ITCH: variants seen among roughly 807,000 people sequenced by gnomAD.
ITCH encodes E3 ubiquitin-protein ligase Itchy homolog.
Under a neutral mutation model 126.8 loss-of-function variants are expected in ITCH, and 28 were observed. The ratio of observed to expected loss-of-function variants is 0.22; its 90% confidence interval spans 0.16 to 0.30. The LOEUF is 0.30. Among genes scored for constraint, ITCH ranks in the 10% least tolerant of loss-of-function variants. The pLI, the probability that ITCH is intolerant of heterozygous loss-of-function variation, is 1.00. For synonymous variants in ITCH, 342 were observed against 340.0 expected, an observed-to-expected ratio of 1.01 and a Z score of -0.06; for missense variants, 631 against 1,032.4, an observed-to-expected ratio of 0.61 and a Z score of 5.33.
rs1601729817 is a variant in ITCH at position 34,369,473 on chromosome 20, A to G, written c.-22+3A>G. 2.5e-6 allele frequency: 1 copy of G among 398,868 alleles called. No individual in the cohort carries two copies. The highest frequency in any genetic ancestry group is 2.1e-5 in the African/African-American group (1 of 48,626). 24.7% of individuals were successfully genotyped at this position (398,868 alleles called of 1,614,324 possible). A position where few individuals can be genotyped will look rare whatever the true frequency, so the allele number is the denominator to read the frequency against. ...GACTCAAACTGTGAGAACTTCAGGT[A>G]TGGTGTCATCCTGTGAGAGAAATTG... On this transcript the variant is annotated splice_donor_region_variant and intron_variant, in intron 2 of 24. Coordinates refer to ENST00000374864, the MANE Select transcript of ITCH (RefSeq NM_031483.7).
At chr20:34,485,666 C>T (rs181466832) in intron 20 of ITCH, among the ~76,000 whole-genome samples, 8 of 152,152 alleles carry the variant, frequency 5.3e-5, no homozygotes, top group African/African-American at 1.9e-4. Flanking sequence ...CCTCTTCTTA[C>T]CTTTTCTTAC....
At chr20:34,466,253 C>T in intron 14 of ITCH, 1 of 394,220 alleles carries the variant, frequency 2.5e-6, no homozygotes, top group Non-Finnish European at 5.1e-6. Context: ...TTTTTGCATT[C>T]CAGGAATAAA....
At chr20:34,496,148 C>T (rs1989868517) in intron 23 of ITCH, among the ~76,000 whole-genome samples, 1 of 151,986 alleles carries the variant, frequency 6.6e-6, no homozygotes, top group African/African-American at 2.4e-5. Flanking sequence ...TCCTTGCCAG[C>T]ATTTGTTATT....
intron 20 of ITCH, among the ~76,000 whole-genome samples, chr20:34,485,418 GC>G (rs2146490792): frequency 6.6e-6 from 1 of 152,216 alleles, no homozygotes; most frequent in South Asian, 2.1e-4. Context: ...TCACGTTCTT[GC>G]CAATTCAGCA....
chr20:34,420,445 G>A (rs755026153), intron 6 of ITCH, among the ~76,000 whole-genome samples: 5 of 152,174 alleles, frequency 3.3e-5, no homozygotes, highest in Admixed American at 6.5e-5. Flanking sequence ...GTTCTACTGT[G>A]TATATTTGTG....
chr20:34,480,018 C>T (rs1303479098), intron 18 of ITCH, among the ~76,000 whole-genome samples: 1 of 152,142 alleles, frequency 6.6e-6, no homozygotes. Context: ...CCCGCCTCAG[C>T]CTCCCAAGTA....
intron 24 of ITCH, among the ~76,000 whole-genome samples, chr20:34,507,276 T>G (rs1378836713): frequency 4.6e-5 from 4 of 86,192 alleles, no homozygotes; most frequent in East Asian, 2.9e-4. Context: ...TTTTTTTTTT[T>G]TTTTTTTTTT....
At chr20:34,482,135 C>T (rs1568991581) in intron 20 of ITCH, among the ~76,000 whole-genome samples, 1 of 152,234 alleles carries the variant, frequency 6.6e-6, no homozygotes. Context: ...CTGATTCTCT[C>T]TTACAACACA....
intron 14 of ITCH, among the ~76,000 whole-genome samples, chr20:34,468,034 CTTTTT>C (rs35748150): frequency 4.9e-5 from 6 of 121,542 alleles, no homozygotes; most frequent in African/African-American, 1.8e-4. Context: ...ACCTTGGAAA[CTTTTT>C]TTTTTTTTTT....
chr20:34,455,300 A>G lies in ITCH; in HGVS notation c.1211-2090A>G, dbSNP rs78367983. ...CAGTTCATTCTATGATCTTTAATAC[A>G]TCAGTTATTCATTTTGAGACATGTT... On this transcript the variant is annotated intron_variant, in intron 12 of 24. Coordinates refer to ENST00000374864, the MANE Select transcript of ITCH (RefSeq NM_031483.7). Among the ~76,000 whole-genome samples, 669 of 152,304 alleles carry G rather than the reference A, an allele frequency of 4.4e-3. 1 individual carries two copies. Among genetic ancestry groups the G allele is most frequent in the Non-Finnish European group, 8.2e-3 (555 of 68,028 alleles).
intron 17 of ITCH, 21 bp from the exon 18 acceptor site, chr20:34,479,608 GT>G (rs1988545329): frequency 3.7e-6 from 6 of 1,609,434 alleles, no homozygotes; most frequent in Non-Finnish European, 5.1e-6. Flanking sequence ...ATTTTTCATC[GT>G]AAATTTTCTT....
At chr20:34,392,965 TG>T (rs1568883215) in intron 2 of ITCH, among the ~76,000 whole-genome samples, 1 of 152,274 alleles carries the variant, frequency 6.6e-6, no homozygotes, top group East Asian at 1.9e-4. Flanking sequence ...GCTTGGGACA[TG>T]TTATATAGAT....
chr20:34,383,036 C>G (rs966096189), intron 2 of ITCH, among the ~76,000 whole-genome samples: 2 of 151,936 alleles, frequency 1.3e-5, no homozygotes, highest in African/African-American at 4.8e-5. Context: ...GCCACCGCGC[C>G]CAGTCCTTTT....
In ITCH at chr20:34,489,362, A is replaced by G. The variant is rs766352760; in HGVS notation, c.2190A>G (p.Gln730=). The change falls in exon 21 of 25, where the codon CAA becomes CAG. Residue 730 remains glutamine, a synonymous_variant. Transcript: ENST00000374864. The part of the protein sequence containing the change: ...FNEILPQQYL[Q]YFDAKELEVL... ...AAATTCTTCCCCAGCAATATTTGCA[A>G]TACTTTGATGCAAAGGAATTAGAGG... is the stretch of plus-strand genomic sequence containing the variant. The G allele has an allele frequency of 1.1e-5, 18 of 1,613,286 alleles. No homozygotes were observed. The highest frequency in any genetic ancestry group is 1.4e-5 in the Non-Finnish European group (17 of 1,179,450).
chr20:34,419,285 A>T (rs1384456148), intron 6 of ITCH, among the ~76,000 whole-genome samples: 2 of 152,196 alleles, frequency 1.3e-5, no homozygotes, highest in Non-Finnish European at 2.9e-5. Flanking sequence ...CACACAGCTT[A>T]AGAATTAGAG....
chr20:34,438,524 A>C lies in ITCH; in HGVS notation c.572A>C (p.Asn191Thr). The change falls in exon 8 of 25, where the codon AAT (asparagine) becomes ACT (threonine). Residue 191 changes from asparagine to threonine, a missense_variant. Physicochemically the swap from Asn to Thr is moderately conservative, Grantham distance 65. This residue lies in a region of ITCH where 220 missense variants were observed against 265.7 expected (regional missense o/e 0.83). Transcript: ENST00000374864. The part of the protein sequence containing the change: ...DDPEDAGAGE[N>T]RRVSGNNSPS... The stretch of plus-strand genomic sequence containing the variant: ...CCTGAAGATGCAGGAGCTGGTGAAA[A>C]TAGGAGAGTCAGTGGGAATAATTCT... 6.2e-7 allele frequency: 1 copy of C among 1,614,068 alleles called. No individual in the cohort carries two copies. The highest frequency in any genetic ancestry group is 8.5e-7 in the Non-Finnish European group (1 of 1,179,990).
intron 2 of ITCH, among the ~76,000 whole-genome samples, chr20:34,385,394 C>A (rs556095269): frequency 6.6e-6 from 1 of 151,846 alleles, no homozygotes; most frequent in African/African-American, 2.4e-5. Flanking sequence ...CCAGGAAATT[C>A]AACATTATAT....
At chr20:34,442,025 GCCACTGCCTGAAGATTA>G in intron 9 of ITCH, 166 bp from the exon 10 acceptor site, 2 of 629,940 alleles carry the variant, frequency 3.2e-6, no homozygotes, top group South Asian at 3.5e-5. Flanking sequence ...TTCACTGTGT[GCCACTGCCTGAAGATTA>G]CATTTCTTCA....
intron 14 of ITCH, among the ~76,000 whole-genome samples, chr20:34,462,649 T>C (rs916078506): frequency 1.8e-4 from 27 of 152,226 alleles, no homozygotes; most frequent in African/African-American, 6.0e-4. Flanking sequence ...AGTTTCTTGT[T>C]TTATGTGTAC....
Sources: allele counts gnomAD v4.1 joint callset (sites outside exome capture counted in the v4.1 genomes callset), GRCh38; gene constraint gnomAD v4.1.1; regional missense constraint gnomAD v4.1.1; transcripts MANE v1.5; gene names NCBI Gene and HGNC (gene_info 2026-07-23, HGNC 2026-07-21).